Variants in C10orf67 observed in about 807,000 individuals in gnomAD.
C10orf67 encodes uncharacterized protein C10orf67, mitochondrial.
A neutral mutation model predicts 35.6 loss-of-function variants in C10orf67; 60 were observed. That is an observed-to-expected ratio of 1.68 (90% CI 1.37 to 2.09). C10orf67 has a LOEUF of 2.09. Ranked by LOEUF, C10orf67 falls within the 30% of genes most tolerant of loss-of-function variation. The pLI, the probability that C10orf67 is intolerant of heterozygous loss-of-function variation, is 0.00. For synonymous variants in C10orf67, 167 were observed against 115.8 expected, an observed-to-expected ratio of 1.44 and a Z score of -2.84; for missense variants, 474 against 330.2, an observed-to-expected ratio of 1.44 and a Z score of -3.38.
chr10:23,248,533 G>A (rs1350423870), intron 12 of C10orf67, among the ~76,000 whole-genome samples: 1 of 152,140 alleles, frequency 6.6e-6, no homozygotes, highest in African/African-American at 2.4e-5. Flanking sequence ...TCATTGGATT[G>A]GACTCTGATC....
intron 8 of C10orf67, among the ~76,000 whole-genome samples, chr10:23,272,022 TC>T (rs2070298166): frequency 6.6e-6 from 1 of 152,126 alleles, no homozygotes. Context: ...ATTCAGGTGA[TC>T]CACCCACCTC....
At chr10:23,222,111 G>T (rs1564459001) in intron 15 of C10orf67, among the ~76,000 whole-genome samples, 1 of 152,088 alleles carries the variant, frequency 6.6e-6, no homozygotes, top group Non-Finnish European at 1.5e-5. Context: ...AAAAAAGTGA[G>T]CTAATAGATT....
intron 1 of C10orf67, among the ~76,000 whole-genome samples, chr10:23,335,659 A>G (rs1342149789): frequency 6.6e-6 from 1 of 152,224 alleles, no homozygotes; most frequent in African/African-American, 2.4e-5. Flanking sequence ...ATTTAACATG[A>G]AAACTCCTTG....
At chr10:23,330,718 C>A (rs550286158) in intron 2 of C10orf67, among the ~76,000 whole-genome samples, 414 of 143,388 alleles carry the variant, frequency 2.9e-3, no homozygotes, top group Non-Finnish European at 4.7e-3. Context: ...CCAGCCTGGG[C>A]GACAGAGCAA....
intron 5 of C10orf67, among the ~76,000 whole-genome samples, chr10:23,299,126 A>G (rs1843987362): frequency 6.6e-6 from 1 of 152,212 alleles, no homozygotes; most frequent in South Asian, 2.1e-4. Flanking sequence ...TAGAAGGGTT[A>G]GGTATAGCTG....
At chr10:23,273,329 C>T (rs1411597770) in intron 8 of C10orf67, among the ~76,000 whole-genome samples, 1 of 152,160 alleles carries the variant, frequency 6.6e-6, no homozygotes, top group Non-Finnish European at 1.5e-5. Flanking sequence ...TAGATATCGC[C>T]TATCAGCTTG....
intron 15 of C10orf67, among the ~76,000 whole-genome samples, chr10:23,211,114 A>G (rs774770505): frequency 5.9e-5 from 9 of 152,174 alleles, no homozygotes; most frequent in Non-Finnish European, 1.0e-4. Flanking sequence ...TGTGGAGGCT[A>G]GGAGTTCAAA....
chr10:23,207,850 C>T (rs543339481), intron 15 of C10orf67, among the ~76,000 whole-genome samples: 22 of 152,286 alleles, frequency 1.4e-4, no homozygotes, highest in East Asian at 7.7e-4. Flanking sequence ...ATTGGTGAAA[C>T]GGCACCAAAT....
chr10:23,317,064 TGCC>T (rs1340925785), intron 4 of C10orf67: 1 of 152,690 alleles, frequency 6.5e-6, no homozygotes, highest in Non-Finnish European at 1.5e-5. Context: ...CTGTTCATGG[TGCC>T]CAGGCTGTTC....
intron 8 of C10orf67, among the ~76,000 whole-genome samples, chr10:23,271,885 A>T (rs1041014493): frequency 2.6e-5 from 4 of 152,108 alleles, no homozygotes; most frequent in Admixed American, 1.3e-4. Context: ...TCATTAAAAA[A>T]TTTTTTTGAA....
chr10:23,230,276 C>T (rs928134695), intron 13 of C10orf67, among the ~76,000 whole-genome samples: 4 of 151,882 alleles, frequency 2.6e-5, no homozygotes, highest in Non-Finnish European at 5.9e-5. Flanking sequence ...GAAATGAAAC[C>T]AGATGTCTAT....
At chr10:23,264,166 AAG>A (rs1842826890) in intron 10 of C10orf67, among the ~76,000 whole-genome samples, 1 of 152,226 alleles carries the variant, frequency 6.6e-6, no homozygotes, top group South Asian at 2.1e-4. Context: ...AAATATTTAA[AAG>A]AGAGGAGCGG....
chr10:23,334,519 C>T lies in C10orf67; in HGVS notation c.207-1337G>A, dbSNP rs145566499. 2.8e-3 allele frequency among the ~76,000 whole-genome samples: 426 copies of T among 152,384 alleles called. 2 individuals carry two copies. Among genetic ancestry groups the T allele is most frequent in the African/African-American group, 9.9e-3 (413 of 41,598 alleles). On this transcript the variant is annotated intron_variant, in intron 1 of 15. Transcript: ENST00000636213. ...GAGCATACCCCCATGCGGGGCACCC[C>T]ATGGCAACTCCCCTCTTCTTGCATG...
chr10:23,328,438 T>C (rs1213479504), intron 2 of C10orf67, among the ~76,000 whole-genome samples: 5 of 152,098 alleles, frequency 3.3e-5, no homozygotes, highest in Non-Finnish European at 7.4e-5. Flanking sequence ...TCTCCTTCCA[T>C]AGAAGCTGGA....
At position 23,316,249 on chromosome 10, in the gene C10orf67, C is replaced by A. The variant is rs184564119; in HGVS notation, c.546+4492G>T. On this transcript the variant is annotated intron_variant, in intron 4 of 15. Transcript: ENST00000636213. The stretch of plus-strand genomic sequence containing the variant: ...CAGGGCAGGCAGCACCAGGTGCTGA[C>A]AAAGGTGCCAGCTCCCTGCAAGGCT... Among the ~76,000 whole-genome samples, 183 of 152,308 alleles carry A rather than the reference C, an allele frequency of 1.2e-3. 2 individuals are homozygous for A. Among genetic ancestry groups the A allele is most frequent in the African/African-American group, 4.3e-3 (180 of 41,574 alleles).
At chr10:23,327,855 A>T (rs538642654) in intron 2 of C10orf67, among the ~76,000 whole-genome samples, 69 of 152,004 alleles carry the variant, frequency 4.5e-4, no homozygotes, top group Non-Finnish European at 8.8e-4. Context: ...TCCTGCATCT[A>T]TGCCACATTG....
intron 7 of C10orf67, among the ~76,000 whole-genome samples, chr10:23,289,161 G>T (rs1843638108): frequency 6.6e-6 from 1 of 152,016 alleles, no homozygotes; most frequent in Admixed American, 6.6e-5. Flanking sequence ...GGGGGTTGGT[G>T]GTGTGTGTGT....
chr10:23,284,455 G>A (rs780542368), intron 7 of C10orf67, among the ~76,000 whole-genome samples: 1 of 152,012 alleles, frequency 6.6e-6, no homozygotes, highest in African/African-American at 2.4e-5. Flanking sequence ...GGGTGAGGTG[G>A]GAGGATCCCT....
intron 4 of C10orf67, among the ~76,000 whole-genome samples, chr10:23,303,889 T>C (rs1844179861): frequency 6.6e-6 from 1 of 152,196 alleles, no homozygotes; most frequent in Non-Finnish European, 1.5e-5. Context: ...AGCCCAAGAC[T>C]GAGGAGGGCT....
Sources: gnomAD v4.1 joint callset for allele counts (sites outside exome capture counted in the v4.1 genomes callset) on GRCh38, gnomAD v4.1.1 for gene constraint, MANE v1.5 for transcripts, NCBI Gene and HGNC (gene_info 2026-07-23, HGNC 2026-07-21) for gene names.